Variants in IMMP2L observed in about 807,000 individuals in gnomAD.
IMMP2L encodes mitochondrial inner membrane protease subunit 2.
IMMP2L carries 18 observed loss-of-function variants against 19.3 expected under a neutral mutation model. The ratio of observed to expected loss-of-function variants is 0.93; its 90% CI spans 0.64 to 1.38. The LOEUF is 1.38. Ranked by LOEUF, IMMP2L falls within the 40% of genes most tolerant of loss-of-function variation. The pLI, the probability that IMMP2L is intolerant of heterozygous loss-of-function variation, is 0.00. For synonymous variants in IMMP2L, 76 were observed against 73.0 expected (o/e 1.04, Z -0.21); for missense variants, 233 against 218.2 (o/e 1.07, Z -0.43).
At chr7:110,959,565 G>C (rs548927675) in intron 4 of IMMP2L, among the ~76,000 whole-genome samples, 1 of 151,818 alleles carries the variant, frequency 6.6e-6, no homozygotes, top group Non-Finnish European at 1.5e-5. Context: ...GGATCTTCAG[G>C]TGCCAAAGTT....
intron 3 of IMMP2L, among the ~76,000 whole-genome samples, chr7:111,370,767 T>C (rs1296929073): frequency 6.6e-6 from 1 of 151,946 alleles, no homozygotes. Context: ...CCATATTTTT[T>C]TTCTCATTTA....
At chr7:111,552,023 T>C (rs967730881) in intron 1 of IMMP2L, among the ~76,000 whole-genome samples, 1 of 152,116 alleles carries the variant, frequency 6.6e-6, no homozygotes, top group Non-Finnish European at 1.5e-5. Context: ...GACCAACAAG[T>C]TCATGCTATA....
intron 1 of IMMP2L, among the ~76,000 whole-genome samples, chr7:111,544,074 A>G (rs1043778825): frequency 3.3e-5 from 5 of 152,184 alleles, no homozygotes; most frequent in Non-Finnish European, 2.9e-5. Context: ...GCTCTAAAAA[A>G]GGATGAGTTT....
intron 3 of IMMP2L, among the ~76,000 whole-genome samples, chr7:111,426,391 G>C (rs1836079473): frequency 6.6e-6 from 1 of 150,828 alleles, no homozygotes; most frequent in African/African-American, 2.4e-5. Flanking sequence ...GTTCACATTT[G>C]ATGGTATTAC....
At chr7:110,668,774 GTTTC>G (rs1739937954) in intron 5 of IMMP2L, among the ~76,000 whole-genome samples, 1 of 147,532 alleles carries the variant, frequency 6.8e-6, no homozygotes, top group Non-Finnish European at 1.5e-5. Flanking sequence ...AAAATTCAGG[GTTTC>G]TTTTTTTTAA....
At chr7:110,895,468 A>G (rs1243542662) in intron 4 of IMMP2L, among the ~76,000 whole-genome samples, 1 of 152,062 alleles carries the variant, frequency 6.6e-6, no homozygotes, top group Non-Finnish European at 1.5e-5. Context: ...GAGTCCCCCA[A>G]TTTTGTTATA....
chr7:111,301,095 C>G (rs1822186511), intron 3 of IMMP2L, among the ~76,000 whole-genome samples: 6 of 152,056 alleles, frequency 3.9e-5, no homozygotes, highest in Admixed American at 3.3e-4. Flanking sequence ...TCCTCACATC[C>G]TCACCAGCAC....
At chr7:110,959,702 T>C (rs1457815848) in intron 4 of IMMP2L, among the ~76,000 whole-genome samples, 1 of 151,904 alleles carries the variant, frequency 6.6e-6, no homozygotes, top group Non-Finnish European at 1.5e-5. Flanking sequence ...ACATTTTTCA[T>C]TGCTACATGA....
At chr7:111,461,747 A>G (rs1053358523) in intron 3 of IMMP2L, among the ~76,000 whole-genome samples, 11 of 152,108 alleles carry the variant, frequency 7.2e-5, no homozygotes, top group African/African-American at 2.7e-4. Context: ...TAACAGTACA[A>G]TGATTTACCT....
intron 5 of IMMP2L, among the ~76,000 whole-genome samples, chr7:110,703,831 AT>A (rs1308151633): frequency 2.0e-5 from 3 of 152,074 alleles, no homozygotes; most frequent in Non-Finnish European, 2.9e-5. Context: ...TAGTTTTCTA[AT>A]TGCTCTTAAG....
At position 111,197,355 on chromosome 7, in the gene IMMP2L, C is replaced by T. The variant is rs557336924; in HGVS notation, c.240-233790G>A. Among the ~76,000 whole-genome samples the T allele has an allele frequency of 1.5e-3, 224 of 151,952 alleles. 1 individual carries two copies. Among genetic ancestry groups the T allele is most frequent in the African/African-American group, 5.2e-3 (215 of 41,416 alleles). ...GCGGGCGCCTGTAGTCCCAGCTACT[C>T]GGGAGGCTGAGGCAGGAGAACGGCG... On this transcript the variant is annotated intron_variant, in intron 3 of 5. Coordinates refer to ENST00000405709, the MANE Select transcript of IMMP2L (RefSeq NM_032549.4).
chr7:110,819,817 A>T (rs1267177941), intron 5 of IMMP2L, among the ~76,000 whole-genome samples: 1 of 152,100 alleles, frequency 6.6e-6, no homozygotes, highest in Non-Finnish European at 1.5e-5. Flanking sequence ...ATATCTTTCA[A>T]GTAAAACTAC....
intron 5 of IMMP2L, among the ~76,000 whole-genome samples, chr7:110,773,200 T>G (rs1799153218): frequency 6.6e-6 from 1 of 152,096 alleles, no homozygotes; most frequent in Admixed American, 6.6e-5. Flanking sequence ...CCAAGGATTT[T>G]CAAGGGTGTA....
chr7:111,477,687 T>TC (rs1331204786), intron 3 of IMMP2L, among the ~76,000 whole-genome samples: 9 of 152,042 alleles, frequency 5.9e-5, no homozygotes, highest in Non-Finnish European at 1.2e-4. Flanking sequence ...TCACCTGAGG[T>TC]CAGGAGTTCA....
chr7:111,281,196 A>AGAGAG (rs1819765082), intron 3 of IMMP2L, among the ~76,000 whole-genome samples: 1 of 54,368 alleles, frequency 1.8e-5, no homozygotes, highest in African/African-American at 7.2e-5. Context: ...GAAAGAAAGA[A>AGAGAG]AGAAAGAAAG....
chr7:110,949,533 C>T (rs191246830), intron 4 of IMMP2L, among the ~76,000 whole-genome samples: 27 of 152,270 alleles, frequency 1.8e-4, no homozygotes, highest in African/African-American at 6.5e-4. Flanking sequence ...AAAACTACAG[C>T]CTATGGACCA....
chr7:111,561,523 T>A (rs1792052127), intron 1 of IMMP2L, among the ~76,000 whole-genome samples: 1 of 152,100 alleles, frequency 6.6e-6, no homozygotes, highest in African/African-American at 2.4e-5. Flanking sequence ...AGCTGGCTAA[T>A]AAGATAGGGG....
intron 2 of IMMP2L, among the ~76,000 whole-genome samples, chr7:111,499,542 A>G (rs1325843541): frequency 6.6e-6 from 1 of 152,100 alleles, no homozygotes; most frequent in Non-Finnish European, 1.5e-5. Flanking sequence ...TGAAGTGAAA[A>G]GATAAATTAT....
chr7:111,192,369 T>A (rs1469785168), intron 3 of IMMP2L, among the ~76,000 whole-genome samples: 1 of 152,088 alleles, frequency 6.6e-6, no homozygotes, highest in Admixed American at 6.5e-5. Context: ...ATATCATGTG[T>A]CAATTAGTTT....
Sources: allele counts gnomAD v4.1 joint callset (sites outside exome capture counted in the v4.1 genomes callset), GRCh38; gene constraint gnomAD v4.1.1; transcripts MANE v1.5; gene names NCBI Gene and HGNC (gene_info 2026-07-23, HGNC 2026-07-21).